ANGPTL6: variants seen among roughly 807,000 people sequenced by gnomAD.
ANGPTL6 encodes the protein angiopoietin like 6.
ANGPTL6 carries 45 observed loss-of-function variants against 47.4 expected under a neutral mutation model. That is an observed-to-expected ratio of 0.95 (90% CI 0.75 to 1.22). The LOEUF (loss-of-function observed/expected upper bound fraction) is 1.22, where lower values mean the gene tolerates loss of function less well. Among genes scored for constraint, ANGPTL6 ranks in the 50% most tolerant of loss-of-function variants. The pLI is 0.00. For synonymous variants in ANGPTL6, 290 were observed against 295.9 expected, an observed-to-expected ratio of 0.98 and a Z score of 0.20; for missense variants, 698 against 669.4, an observed-to-expected ratio of 1.04 and a Z score of -0.47.
At chr19:10,101,495 C>A (rs970251257) in intron 1 of ANGPTL6, among the ~76,000 whole-genome samples, 1 of 151,836 alleles carries the variant, frequency 6.6e-6, no homozygotes, top group Non-Finnish European at 1.5e-5. Context: ...TGCAAAGGCC[C>A]GGAGATTGCA....
chr19:10,098,014 A>G (rs2088590421), intron 1 of ANGPTL6, among the ~76,000 whole-genome samples: 1 of 145,934 alleles, frequency 6.9e-6, no homozygotes, highest in Non-Finnish European at 1.6e-5. Context: ...CCAAAAAAAA[A>G]AAAAAAAAAA....
chr19:10,092,936 C>G (rs2088429284), intron 5 of ANGPTL6, 157 bp from the exon 6 acceptor site: 2 of 585,302 alleles, frequency 3.4e-6, no homozygotes, highest in South Asian at 3.5e-5. Context: ...AATAGGAGCC[C>G]TGGCCCCCCA....
In ANGPTL6 at chr19:10,096,275, G is replaced by A. The variant is rs1275771825; in HGVS notation, c.289C>T (p.Arg97Cys). 8.3e-7 allele frequency: 1 copy of A among 1,206,454 alleles called. No homozygotes were observed. Among genetic ancestry groups the A allele is most frequent in the Non-Finnish European group, 1.0e-6 (1 of 973,982 alleles). The allele number at this position is 1,206,454 out of a possible 1,614,324, so 74.7% of individuals were successfully genotyped here. A position where few individuals can be genotyped will look rare whatever the true frequency, so the allele number is the denominator to read the frequency against. ...GCGCTCAGGCCGCGGCTCTCCTTGC[G>A]CAGCGCGCGCACCTCGCCGGCCACG... ...GAVAGEVRAL[R>C]KESRGLSARL... The change falls in exon 2 of 6, where the codon CGC (arginine) becomes TGC (cysteine). Residue 97 changes from arginine (R) to cysteine (C), a missense_variant. By Grantham distance (180) the Arg-to-Cys change is radical. Coordinates refer to ENST00000253109, the MANE Select transcript of ANGPTL6 (RefSeq NM_031917.3).
At chr19:10,103,007 C>T (rs116502127), upstream of ANGPTL6, among the ~76,000 whole-genome samples, 97 of 151,904 alleles carry the variant, frequency 6.4e-4, no homozygotes, top group African/African-American at 2.3e-3. Flanking sequence ...GGGGACTTAC[C>T]GTGTGTAGGG....
chr19:10,093,224 T>C, intron 5 of ANGPTL6, 125 bp downstream of exon 5: 1 of 1,302,796 alleles, frequency 7.7e-7, no homozygotes, highest in Non-Finnish European at 1.1e-6. Flanking sequence ...CTTGACGGAA[T>C]AAAAGCTTGC....
chr19:10,095,512 G>A (rs1477350586), intron 2 of ANGPTL6, among the ~76,000 whole-genome samples: 3 of 152,178 alleles, frequency 2.0e-5, no homozygotes, highest in African/African-American at 7.2e-5. Context: ...CTCCTCTGTA[G>A]AGTAGGGATA....
intron 1 of ANGPTL6, 160 bp from the exon 2 acceptor site, chr19:10,096,733 T>G (rs181109012): frequency 3.8e-6 from 2 of 531,104 alleles, no homozygotes; most frequent in Non-Finnish European, 6.4e-6. Context: ...CCCAGGGTGA[T>G]CCCACTCTGG....
intron 1 of ANGPTL6, among the ~76,000 whole-genome samples, chr19:10,098,868 G>A (rs1276921505): frequency 6.6e-6 from 1 of 151,944 alleles, no homozygotes; most frequent in African/African-American, 2.4e-5. Context: ...AGGAGGTGAG[G>A]TGGGGTGAGG....
rs1282881510 is a variant in ANGPTL6, at chr19:10,094,784, T to C, written c.737A>G (p.His246Arg). 6.2e-7 allele frequency: 1 copy of C among 1,614,146 alleles called. No individual in the cohort carries two copies. Among genetic ancestry groups the C allele is most frequent in the Non-Finnish European group, 8.5e-7 (1 of 1,180,010 alleles). The change falls in exon 3 of 6, where the codon CAC becomes CGC. Residue 246 changes from histidine to arginine, a missense_variant. By Grantham distance (29) the His-to-Arg change is conservative. Coordinates refer to ENST00000253109, the MANE Select transcript of ANGPTL6 (RefSeq NM_031917.3). Reference protein sequence around the residue: ...EPMASPMPAGHPAVPTKPVGP... With the variant: ...EPMASPMPAGRPAVPTKPVGP... ...CACAGGCTTGGTGGGGACCGCAGGGTGACCTGCAGGCATGGGAGAAGCCAT... is the reference window on the plus strand; with the variant it reads ...CACAGGCTTGGTGGGGACCGCAGGGCGACCTGCAGGCATGGGAGAAGCCAT...
chr19:10,099,470 G>A (rs1183830498), intron 1 of ANGPTL6, among the ~76,000 whole-genome samples: 10 of 151,586 alleles, frequency 6.6e-5, no homozygotes, highest in African/African-American at 2.2e-4. Flanking sequence ...CCAGCTACTC[G>A]GGAGGCTGAG....
Position 10,092,448 on chromosome 19 carries a change from T to G in ANGPTL6, c.*141A>C. 1 of 1,521,760 alleles carries G rather than the reference T, an allele frequency of 6.6e-7. No homozygotes were observed. Among genetic ancestry groups the G allele is most frequent in the Non-Finnish European group, 8.8e-7 (1 of 1,131,430 alleles). The allele number at this position is 1,521,760 out of a possible 1,614,324, so 94.3% of individuals were successfully genotyped here. ...CGGGGGGGATTCCTGGGTCCCATTTTCAGCGCCCAGGGTCACAGATCCACA... is the reference window on the plus strand; with the variant it reads ...CGGGGGGGATTCCTGGGTCCCATTTGCAGCGCCCAGGGTCACAGATCCACA... On this transcript the variant is annotated 3_prime_UTR_variant, in exon 6 of 6. Transcript: ENST00000253109.
chr19:10,099,791 T>C lies in ANGPTL6; in HGVS notation c.-11+2777A>G, dbSNP rs557000835. On this transcript the variant is annotated intron_variant, in intron 1 of 5. Coordinates refer to ENST00000253109, the MANE Select transcript of ANGPTL6 (RefSeq NM_031917.3). Reference sequence around the variant, plus strand: ...TCCTTGAACAGCAGATTTAGGGTTGTACCTCCATATACAAGCTCTCTCTCT... The same window carrying C: ...TCCTTGAACAGCAGATTTAGGGTTGCACCTCCATATACAAGCTCTCTCTCT... Among the ~76,000 whole-genome samples, 10 of 151,346 alleles carry C rather than the reference T, an allele frequency of 6.6e-5. No homozygotes were observed. The South Asian group carries it at 2.1e-3, about 32-fold the overall frequency.
intron 2 of ANGPTL6, 29 bp from the exon 3 acceptor site, chr19:10,094,967 T>C (rs1231298431): frequency 4.4e-6 from 7 of 1,577,834 alleles, no homozygotes; most frequent in South Asian, 1.1e-5. Flanking sequence ...TCAGGTGTAA[T>C]TGCACTAACC....
chr19:10,102,949 C>G (rs1476050533), upstream of ANGPTL6, among the ~76,000 whole-genome samples: 1 of 151,816 alleles, frequency 6.6e-6, no homozygotes, highest in Admixed American at 6.6e-5. Context: ...CAGGCGTGAT[C>G]CCAGCCCCAG....
intron 2 of ANGPTL6, among the ~76,000 whole-genome samples, chr19:10,095,210 C>G (rs538698585): frequency 2.6e-4 from 39 of 152,216 alleles, no homozygotes; most frequent in African/African-American, 9.1e-4. Context: ...GAGTTCGAGA[C>G]CAGCCTGACC....
At chr19:10,101,437 T>A (rs1286825909) in intron 1 of ANGPTL6, among the ~76,000 whole-genome samples, 1 of 151,310 alleles carries the variant, frequency 6.6e-6, no homozygotes, top group Non-Finnish European at 1.5e-5. Context: ...AAAGACCTGA[T>A]GGAAGAGAGA....
rs553708145 is a variant in ANGPTL6 at position 10,094,889 on chromosome 19, C to G, written c.632G>C (p.Gly211Ala). The stretch of plus-strand genomic sequence containing the variant: ...CATCCTACTGGTGTCACTGGTGCTA[C>G]CCACAAGACGGACCGGAACCACAGG... ...LVPVVPVRLVGSTSDTSRMLD... is the reference protein window; with the variant it reads ...LVPVVPVRLVASTSDTSRMLD... Residue 211 changes from glycine to alanine, a missense_variant, in exon 3 of 6, where the codon GGT becomes GCT. By Grantham distance (60) the Gly-to-Ala change is moderately conservative. Coordinates refer to ENST00000253109, the MANE Select transcript of ANGPTL6 (RefSeq NM_031917.3). 6 of 1,613,892 alleles carry G rather than the reference C, an allele frequency of 3.7e-6. No homozygotes were observed. The Admixed American group carries it at 6.7e-5, about 18-fold the overall frequency.
At chr19:10,092,829 A>G in intron 5 of ANGPTL6, 50 bp from the exon 6 acceptor site, 1 of 1,465,894 alleles carries the variant, frequency 6.8e-7, no homozygotes, top group South Asian at 1.4e-5. Context: ...AAAAGCCTCT[A>G]CCTGCACCTC....
chr19:10,102,171 G>A (rs1599295018), intron 1 of ANGPTL6, among the ~76,000 whole-genome samples: 1 of 150,486 alleles, frequency 6.6e-6, no homozygotes, highest in East Asian at 1.9e-4. Flanking sequence ...GGCCGGAAGA[G>A]AGAAGGGGGA....
Sources: allele counts gnomAD v4.1 joint callset (sites outside exome capture counted in the v4.1 genomes callset), GRCh38; gene constraint gnomAD v4.1.1; transcripts MANE v1.5; gene names NCBI Gene and HGNC (gene_info 2026-07-23, HGNC 2026-07-21).